The following OTUD7A variants were observed in gnomAD, a reference collection of about 807,000 sequenced individuals.
OTUD7A encodes OTU domain-containing protein 7A.
Under a neutral mutation model 65.7 loss-of-function variants are expected in OTUD7A, and 12 were observed. The ratio of observed to expected loss-of-function variants is 0.18; its 90% CI spans 0.12 to 0.30. The LOEUF (loss-of-function observed/expected upper bound fraction) is 0.30. Ranked by LOEUF, OTUD7A falls within the 10% of genes least tolerant of loss-of-function variation. OTUD7A has a pLI of 1.00. For synonymous variants in OTUD7A, 641 were observed against 586.3 expected, an observed-to-expected ratio of 1.09 and a Z score of -1.35; for missense variants, 1,148 against 1,304.8, an observed-to-expected ratio of 0.88 and a Z score of 1.85.
intron 1 of OTUD7A, among the ~76,000 whole-genome samples, chr15:31,788,982 T>C (rs1895744831): frequency 6.6e-6 from 1 of 152,188 alleles, no homozygotes; most frequent in Admixed American, 6.5e-5. Flanking sequence ...AAACCCTAGA[T>C]TCCATTCTAT....
intron 1 of OTUD7A, among the ~76,000 whole-genome samples, chr15:31,709,814 A>G (rs189497080): frequency 2.6e-4 from 40 of 152,082 alleles, no homozygotes; most frequent in East Asian, 1.5e-3. Flanking sequence ...ATATATGTGT[A>G]TATATATATA....
chr15:31,678,672 T>G (rs901279802), intron 1 of OTUD7A, among the ~76,000 whole-genome samples: 3 of 152,176 alleles, frequency 2.0e-5, no homozygotes, highest in African/African-American at 7.2e-5. Flanking sequence ...AGAATTGAGG[T>G]TAACCTCTGC....
At chr15:31,818,929 T>C (rs768968110) in intron 1 of OTUD7A, among the ~76,000 whole-genome samples, 6 of 152,086 alleles carry the variant, frequency 3.9e-5, no homozygotes, top group Non-Finnish European at 8.8e-5. Flanking sequence ...CTCTACTTGA[T>C]GAGAATAAGT....
At chr15:31,604,978 G>A (rs1890195290) in intron 3 of OTUD7A, among the ~76,000 whole-genome samples, 1 of 152,222 alleles carries the variant, frequency 6.6e-6, no homozygotes, top group Admixed American at 6.5e-5. Flanking sequence ...GAGCAGAGCA[G>A]CCCGGGAGGC....
intron 1 of OTUD7A, among the ~76,000 whole-genome samples, chr15:31,820,511 T>A (rs1051503365): frequency 1.3e-5 from 2 of 152,234 alleles, no homozygotes; most frequent in African/African-American, 4.8e-5. Flanking sequence ...TCAGGCACAG[T>A]ACTAAATGCT....
chr15:31,559,231 G>A (rs764613329), intron 4 of OTUD7A, 44 bp from the exon 5 acceptor site: 5 of 1,567,614 alleles, frequency 3.2e-6, no homozygotes, highest in Non-Finnish European at 4.3e-6. Flanking sequence ...CTGAGTGGGT[G>A]TAGGTGTGGC....
chr15:31,483,901 G>C lies in OTUD7A; in HGVS notation c.2195C>G (p.Pro732Arg). The change falls in exon 13 of 13, where the codon CCG becomes CGG. Residue 732 changes from proline (P) to arginine (R), a missense_variant. Physicochemically the swap from Pro to Arg is moderately radical, Grantham distance 103. Around this residue, in one of 6 missense-constraint regions of OTUD7A, gnomAD observed 842 missense variants for 769.5 expected, o/e 1.09. Transcript: ENST00000307050. The stretch of plus-strand genomic sequence containing the variant: ...ACGCCCTGCCGCGGGCCCGGGGCTC[G>C]GCCGCTCCTTGAGCTTGAGCACCAG... Reference protein sequence around the residue: ...TQLVLKLKERPSPGPAAGRAA... With the variant: ...TQLVLKLKERRSPGPAAGRAA... 1 of 1,018,232 alleles carries C rather than the reference G, an allele frequency of 9.8e-7. No individual in the cohort carries two copies. Among genetic ancestry groups the C allele is most frequent in the South Asian group, 4.0e-5 (1 of 24,968 alleles). The allele number at this position is 1,018,232 out of a possible 1,614,324, so 63.1% of individuals were successfully genotyped here.
intron 3 of OTUD7A, among the ~76,000 whole-genome samples, chr15:31,580,040 C>T (rs1889326487): frequency 6.6e-6 from 1 of 152,162 alleles, no homozygotes. Context: ...AAGGGGCTCC[C>T]TGGGAGAAGT....
chr15:31,670,092 TA>T (rs1892442233), intron 1 of OTUD7A, among the ~76,000 whole-genome samples: 1 of 147,580 alleles, frequency 6.8e-6, no homozygotes, highest in Non-Finnish European at 1.5e-5. Flanking sequence ...GATCTGGAGC[TA>T]AAAATTCACG....
intron 1 of OTUD7A, among the ~76,000 whole-genome samples, chr15:31,804,886 G>A (rs1428907005): frequency 3.3e-5 from 5 of 152,212 alleles, no homozygotes; most frequent in African/African-American, 1.2e-4. Flanking sequence ...TTAAGCTCTA[G>A]GAGAACTGTT....
At chr15:31,525,723 C>T (rs952547508) in intron 8 of OTUD7A, among the ~76,000 whole-genome samples, 1 of 152,258 alleles carries the variant, frequency 6.6e-6, no homozygotes, top group African/African-American at 2.4e-5. Context: ...GGCTCTATGG[C>T]TGCCCCACTG....
At chr15:31,612,100 C>T (rs746825536) in intron 3 of OTUD7A, among the ~76,000 whole-genome samples, 3 of 152,080 alleles carry the variant, frequency 2.0e-5, no homozygotes, top group Non-Finnish European at 4.4e-5. Context: ...AATCCAGCAT[C>T]CTTTAAGATT....
At chr15:31,721,213 G>T (rs1483033868) in intron 1 of OTUD7A, among the ~76,000 whole-genome samples, 1 of 152,278 alleles carries the variant, frequency 6.6e-6, no homozygotes, top group Non-Finnish European at 1.5e-5. Flanking sequence ...ACACATCTAT[G>T]TATCTATATG....
At chr15:31,663,500 G>A (rs1275646384) in intron 1 of OTUD7A, among the ~76,000 whole-genome samples, 1 of 125,858 alleles carries the variant, frequency 7.9e-6, no homozygotes, top group Admixed American at 1.1e-4. Context: ...TGTTCTCATT[G>A]TTCAGCTCTC....
chr15:31,541,260 T>C (rs995598033), intron 5 of OTUD7A, among the ~76,000 whole-genome samples: 9 of 152,206 alleles, frequency 5.9e-5, no homozygotes, highest in Non-Finnish European at 1.0e-4. Flanking sequence ...GTGAGGAATG[T>C]AAGGAAAGAC....
Position 31,483,968 on chromosome 15 carries a change from C to A in OTUD7A, c.2128G>T (p.Val710Leu). ...GGAGAGGCGCGCTCCGGGACCGGCA[C>A]GCCCTCCGTCTCCGGTCTGCGCGGC... ...RPPRRPETEGVPVPERASPGP... is the reference protein window; with the variant it reads ...RPPRRPETEGLPVPERASPGP... Residue 710 changes from valine to leucine, a missense_variant, in exon 13 of 13, where the codon GTG becomes TTG. This residue lies in a region of OTUD7A where 842 missense variants were observed against 769.5 expected (regional missense o/e 1.09). Coordinates refer to ENST00000307050, the MANE Select transcript of OTUD7A (RefSeq NM_001382637.1). 1 of 1,139,764 alleles carries A rather than the reference C, an allele frequency of 8.8e-7. No homozygotes were observed. 70.6% of individuals were successfully genotyped at this position (1,139,764 alleles called of 1,614,324 possible).
chr15:31,829,589 T>C (rs1012377168), intron 1 of OTUD7A, among the ~76,000 whole-genome samples: 3 of 152,166 alleles, frequency 2.0e-5, no homozygotes, highest in African/African-American at 7.2e-5. Flanking sequence ...GGCAAGTAAA[T>C]GCATGGACAC....
chr15:31,682,937 G>C (rs1265413795), intron 1 of OTUD7A, among the ~76,000 whole-genome samples: 1 of 152,222 alleles, frequency 6.6e-6, no homozygotes, highest in Non-Finnish European at 1.5e-5. Flanking sequence ...GACTGTGCGT[G>C]TTAAAAAGGG....
chr15:31,620,693 T>C, intron 3 of OTUD7A, among the ~76,000 whole-genome samples: 3 of 114,990 alleles, frequency 2.6e-5, no homozygotes, highest in Admixed American at 8.4e-5. Context: ...GTCTATCAAT[T>C]TTGTTGATCC....
Sources: allele counts gnomAD v4.1 joint callset (sites outside exome capture counted in the v4.1 genomes callset), GRCh38; gene constraint gnomAD v4.1.1; regional missense constraint gnomAD v4.1.1; transcripts MANE v1.5; gene names NCBI Gene and HGNC (gene_info 2026-07-23, HGNC 2026-07-21).